CNTNAP2: variants seen among roughly 807,000 people sequenced by gnomAD.
CNTNAP2 encodes contactin associated protein 2, also known as contactin-associated protein-like 2.
Under a neutral mutation model 155.2 loss-of-function variants are expected in CNTNAP2, and 98 were observed. The ratio of observed to expected loss-of-function variants is 0.63; its 90% CI spans 0.54 to 0.75. CNTNAP2 has a LOEUF of 0.75. Among genes scored for constraint, CNTNAP2 ranks in the 30% least tolerant of loss-of-function variants. The pLI is 0.00. For synonymous variants in CNTNAP2, 651 were observed against 631.2 expected, an observed-to-expected ratio of 1.03 and a Z score of -0.47; for missense variants, 1,727 against 1,688.1, an observed-to-expected ratio of 1.02 and a Z score of -0.40.
chr7:147,106,258 A>T (rs528917793), intron 4 of CNTNAP2, among the ~76,000 whole-genome samples: 1 of 152,234 alleles, frequency 6.6e-6, no homozygotes, highest in South Asian at 2.1e-4. Context: ...ATTTACTGTC[A>T]TCTGTTTTTC....
chr7:147,426,037 A>G (rs1310600124), intron 10 of CNTNAP2, among the ~76,000 whole-genome samples: 1 of 152,170 alleles, frequency 6.6e-6, no homozygotes, highest in Non-Finnish European at 1.5e-5. Flanking sequence ...AGATTAAAAA[A>G]TCAGTAATTT....
intron 15 of CNTNAP2, among the ~76,000 whole-genome samples, chr7:148,019,448 G>A (rs1387806509): frequency 1.3e-5 from 2 of 151,822 alleles, no homozygotes; most frequent in African/African-American, 4.8e-5. Context: ...GAGTTGTTTT[G>A]TGTTTGTGTT....
intron 10 of CNTNAP2, among the ~76,000 whole-genome samples, chr7:147,414,941 CAAAAAAAAA>C (rs67048724): frequency 9.8e-5 from 5 of 50,980 alleles, no homozygotes; most frequent in East Asian, 6.4e-4. Context: ...GACTCCTTCT[CAAAAAAAAA>C]AAAAAAAAAA....
intron 1 of CNTNAP2, among the ~76,000 whole-genome samples, chr7:146,299,929 G>C (rs556960676): frequency 2.0e-5 from 3 of 152,160 alleles, no homozygotes; most frequent in African/African-American, 4.8e-5. Context: ...GAACTTCAGA[G>C]AAATTTTAGC....
At chr7:146,449,450 C>A (rs2129121901) in intron 1 of CNTNAP2, among the ~76,000 whole-genome samples, 1 of 152,172 alleles carries the variant, frequency 6.6e-6, no homozygotes, top group Non-Finnish European at 1.5e-5. Flanking sequence ...AATTCACTGC[C>A]ATGTATCCTC....
intron 3 of CNTNAP2, among the ~76,000 whole-genome samples, chr7:146,953,815 AT>A (rs1158234547): frequency 1.3e-5 from 2 of 151,940 alleles, no homozygotes; most frequent in Non-Finnish European, 2.9e-5. Context: ...AAACTTGTCA[AT>A]GGAAAAGTTA....
chr7:147,009,425 G>A (rs1479585401), intron 3 of CNTNAP2, among the ~76,000 whole-genome samples: 2 of 152,150 alleles, frequency 1.3e-5, no homozygotes, highest in East Asian at 1.9e-4. Flanking sequence ...ACAACCGACA[G>A]TTTTCATCCA....
intron 1 of CNTNAP2, among the ~76,000 whole-genome samples, chr7:146,404,750 G>A (rs79153712): frequency 0.015 from 2,286 of 152,056 alleles, 24 homozygotes; most frequent in Middle Eastern, 0.027. Flanking sequence ...CACTTGCCAT[G>A]CTTCTTCCCT....
chr7:146,197,541 G>A (rs966445725), intron 1 of CNTNAP2, among the ~76,000 whole-genome samples: 22 of 152,210 alleles, frequency 1.4e-4, no homozygotes, highest in African/African-American at 5.3e-4. Context: ...ATTTTAAAAT[G>A]TACTCAAAGC....
At chr7:148,381,220 T>G (rs1415819845) in intron 21 of CNTNAP2, among the ~76,000 whole-genome samples, 1 of 152,220 alleles carries the variant, frequency 6.6e-6, no homozygotes, top group Non-Finnish European at 1.5e-5. Context: ...ACAGCCTAAG[T>G]ATCAACAGCT....
chr7:147,880,087 G>A (rs903797244), intron 13 of CNTNAP2, among the ~76,000 whole-genome samples: 1 of 152,216 alleles, frequency 6.6e-6, no homozygotes, highest in African/African-American at 2.4e-5. Flanking sequence ...CGCTCACTCT[G>A]GTCCTCTCAG....
intron 13 of CNTNAP2, among the ~76,000 whole-genome samples, chr7:147,657,541 T>C (rs1458609724): frequency 6.6e-6 from 1 of 151,952 alleles, no homozygotes; most frequent in Non-Finnish European, 1.5e-5. Context: ...ATTGCTGTTA[T>C]CCTGTTTCTA....
chr7:147,498,581 T>A (rs574077147), intron 11 of CNTNAP2, among the ~76,000 whole-genome samples: 42 of 152,332 alleles, frequency 2.8e-4, no homozygotes, highest in African/African-American at 9.4e-4. Flanking sequence ...GAGAAATTTA[T>A]TGAGAAGCAT....
chr7:146,188,089 T>C (rs1414299198), intron 1 of CNTNAP2, among the ~76,000 whole-genome samples: 2 of 152,158 alleles, frequency 1.3e-5, no homozygotes, highest in Admixed American at 1.3e-4. Context: ...GAATATGTAA[T>C]GAAGACCTTA....
intron 22 of CNTNAP2, among the ~76,000 whole-genome samples, chr7:148,406,283 C>T (rs1799703746): frequency 6.6e-6 from 1 of 151,636 alleles, no homozygotes; most frequent in South Asian, 2.1e-4. Context: ...TAAGGGAAGA[C>T]AAAGAAAAAG....
At chr7:146,306,194 C>A (rs1462171120) in intron 1 of CNTNAP2, among the ~76,000 whole-genome samples, 1 of 152,010 alleles carries the variant, frequency 6.6e-6, no homozygotes, top group African/African-American at 2.4e-5. Context: ...AGGACTAAAC[C>A]AGGAAGGAGT....
At chr7:146,454,500 G>A (rs35626947) in intron 1 of CNTNAP2, among the ~76,000 whole-genome samples, 88,662 of 151,852 alleles carry the variant, frequency 0.58, 28,894 homozygotes, top group South Asian at 0.82. Flanking sequence ...GGAAGGTAGT[G>A]TGAATCCATT....
intron 13 of CNTNAP2, among the ~76,000 whole-genome samples, chr7:147,727,086 A>G (rs1409010924): frequency 6.6e-6 from 1 of 151,896 alleles, no homozygotes; most frequent in Admixed American, 6.6e-5. Flanking sequence ...TGCAGTTTTT[A>G]GTATACCAAT....
chr7:147,397,376 T>C (rs145163983), intron 10 of CNTNAP2, among the ~76,000 whole-genome samples: 54 of 152,172 alleles, frequency 3.5e-4, no homozygotes, highest in African/African-American at 1.3e-3. Flanking sequence ...ACATATTGTT[T>C]TGTACAGAAA....
Sources: allele counts gnomAD v4.1 joint callset (sites outside exome capture counted in the v4.1 genomes callset), GRCh38; gene constraint gnomAD v4.1.1; transcripts MANE v1.5; gene names NCBI Gene and HGNC (gene_info 2026-07-23, HGNC 2026-07-21).